The following TUBGCP2 variants were observed in gnomAD, a reference collection of about 807,000 sequenced individuals.
TUBGCP2 encodes tubulin gamma complex component 2.
In TUBGCP2, 55 loss-of-function variants were observed where a neutral mutation model predicts 92.2. The observed-to-expected ratio is 0.60, with a 90% CI of 0.48 to 0.75. TUBGCP2 has a LOEUF of 0.75. Ranked by LOEUF, TUBGCP2 falls within the 30% of genes least tolerant of loss-of-function variation. The probability of loss-of-function intolerance (pLI) is 0.00; values close to 1 mark genes in which losing one functional copy is unlikely to be tolerated. For missense variants in TUBGCP2, 1,093 were observed against 1,188.9 expected (o/e 0.92, Z 1.19); for synonymous variants, 533 against 505.2 (o/e 1.06, Z -0.74).
chr10:133,281,246 G>T lies in TUBGCP2; in HGVS notation c.2573+27C>A, dbSNP rs547355213. 2.9e-4 allele frequency: 460 copies of T among 1,604,730 alleles called. 2 individuals carry two copies. The highest frequency in any genetic ancestry group is 1.5e-5 in the Non-Finnish European group (18 of 1,179,100). On this transcript the variant is annotated intron_variant, in intron 17 of 17. Transcript: ENST00000252936. ...CAGGCGCTGGACTGAGCTGAGGAAGGGCTGAGCCGGGGTGGCGCCCACCCA... is the reference window on the plus strand; with the variant it reads ...CAGGCGCTGGACTGAGCTGAGGAAGTGCTGAGCCGGGGTGGCGCCCACCCA...
At chr10:133,288,813 C>A in intron 10 of TUBGCP2, 27 bp downstream of exon 10, 7 of 1,570,180 alleles carry the variant, frequency 4.5e-6, no homozygotes, top group Non-Finnish European at 6.1e-6. Flanking sequence ...AGGTGAGTGC[C>A]CGCACAGGGA....
chr10:133,306,349 G>A (rs986340967), intron 1 of TUBGCP2, among the ~76,000 whole-genome samples: 1 of 152,294 alleles, frequency 6.6e-6, no homozygotes, highest in African/African-American at 2.4e-5. Flanking sequence ...AGGACTGCAG[G>A]TTGTCCTATA....
intron 5 of TUBGCP2, among the ~76,000 whole-genome samples, chr10:133,296,849 G>GT (rs1360812877): frequency 6.6e-6 from 1 of 152,156 alleles, no homozygotes; most frequent in Non-Finnish European, 1.5e-5. Context: ...TTACAGCAGG[G>GT]TTTTTCTATA....
rs1360317961 is a variant in TUBGCP2 at position 133,308,831 on chromosome 10, C to G, written c.-48G>C. The G allele has an allele frequency of 2.1e-6, 2 of 956,198 alleles. No homozygotes were observed. The highest frequency in any genetic ancestry group is 1.7e-5 in the African/African-American group (1 of 58,374). 59.2% of individuals were successfully genotyped at this position (956,198 alleles called of 1,614,324 possible). A position where few individuals can be genotyped will look rare whatever the true frequency, so the allele number is the denominator to read the frequency against. ...GTTCGGCCAGGACTCACCGCAGTCC[C>G]GGAGCCACAGCCCCCGCGCAGCCCC... is the stretch of plus-strand genomic sequence containing the variant. On this transcript the variant is annotated 5_prime_UTR_variant, in exon 1 of 18. Coordinates refer to ENST00000252936, the MANE Select transcript of TUBGCP2 (RefSeq NM_006659.4).
intron 13 of TUBGCP2, 31 bp from the exon 14 acceptor site, chr10:133,284,033 T>G (rs748757178): frequency 6.2e-7 from 1 of 1,608,766 alleles, no homozygotes; most frequent in East Asian, 2.2e-5. Flanking sequence ...AGGACAGCCA[T>G]GGAGGACGCG....
In TUBGCP2 at chr10:133,279,805, G is replaced by C. The variant is rs1206713679; in HGVS notation, c.2670C>G (p.Pro890=). The C allele has an allele frequency of 6.3e-7, 1 of 1,576,446 alleles. No individual in the cohort carries two copies. The highest frequency in any genetic ancestry group is 8.6e-7 in the Non-Finnish European group (1 of 1,161,772). The change falls in exon 18 of 18, where the codon CCC becomes CCG. Residue 890 remains proline (P), a synonymous_variant. Transcript: ENST00000252936. ...CTGCGACCCTGGGTGCAGGAGCCGGGGGCCCCCGCAGGACAGGCACTTGGG... is the reference window on the plus strand; with the variant it reads ...CTGCGACCCTGGGTGCAGGAGCCGGCGGCCCCCGCAGGACAGGCACTTGGG... ...ATPQVPVLRG[P]PAPAPRVAVT... is the part of the protein sequence containing the mutation.
chr10:133,297,811 G>A (rs918902630), intron 5 of TUBGCP2, 141 bp downstream of exon 5: 15 of 1,285,482 alleles, frequency 1.2e-5, no homozygotes, highest in African/African-American at 1.5e-5. Context: ...CTGAGGAAAG[G>A]CAGGCCCGGG....
At position 133,293,222 on chromosome 10, in the gene TUBGCP2, ACTTCT is replaced by A. The variant is rs768719343; in HGVS notation, c.836_840del (p.Glu279ValfsTer126). ...TTCACCTGCCCGTACTCGAAGGAAG[ACTTCT>A]CTTCAATGAACCTGGAAGAAAAGCT... On this transcript the variant is annotated frameshift_variant, in exon 7 of 18. Transcript: ENST00000252936. LOFTEE classifies it high-confidence loss of function. 1.9e-6 allele frequency: 3 copies of A among 1,613,370 alleles called. No homozygotes were observed. The highest frequency in any genetic ancestry group is 2.5e-6 in the Non-Finnish European group (3 of 1,179,904).
upstream of TUBGCP2, chr10:133,311,611 G>T (rs573732379): frequency 9.7e-5 from 94 of 966,452 alleles, no homozygotes; most frequent in African/African-American, 1.3e-3. Flanking sequence ...AAGAAAATAT[G>T]CTACTTACAG....
At chr10:133,306,055 T>TA (rs1420644068) in intron 1 of TUBGCP2, among the ~76,000 whole-genome samples, 2 of 152,254 alleles carry the variant, frequency 1.3e-5, no homozygotes, top group African/African-American at 4.8e-5. Flanking sequence ...GGTAAGTTCT[T>TA]ACACTGTTGT....
chr10:133,282,926 A>G, intron 15 of TUBGCP2, 152 bp downstream of exon 15: 1 of 1,140,516 alleles, frequency 8.8e-7, no homozygotes, highest in African/African-American at 1.5e-5. Flanking sequence ...CCCGGCCAGG[A>G]AGACCAGGAG....
intron 2 of TUBGCP2, chr10:133,302,289 T>C (rs1312806397): frequency 5.1e-6 from 1 of 197,378 alleles, no homozygotes; most frequent in Admixed American, 5.4e-5. Context: ...TCTTGCACGG[T>C]ACACAGCCCT....
chr10:133,284,982 G>A, intron 13 of TUBGCP2, 103 bp downstream of exon 13: 1 of 1,478,246 alleles, frequency 6.8e-7, no homozygotes. Context: ...CAGAAGCCTA[G>A]AAAGCTGTCT....
At chr10:133,303,375 C>T (rs971885854) in intron 1 of TUBGCP2, among the ~76,000 whole-genome samples, 4 of 152,230 alleles carry the variant, frequency 2.6e-5, no homozygotes, top group East Asian at 1.9e-4. Flanking sequence ...AGGCGGCCTC[C>T]GCAGCTCCGG....
rs143394978 is a variant in TUBGCP2, at chr10:133,288,929, A to G, written c.1452T>C (p.Tyr484=). Residue 484 remains tyrosine (Y), a synonymous_variant, in exon 10 of 18, where the codon TAT becomes TAC. Coordinates refer to ENST00000252936, the MANE Select transcript of TUBGCP2 (RefSeq NM_006659.4). ...EIIYTLKERA[Y]VEQIEKAFNY... ...TAAACGCCTTCTCGATCTGCTCCAC[A>G]TACGCCCGCTCTTTTAACGTGTAGA... 9 of 1,614,204 alleles carry G rather than the reference A, an allele frequency of 5.6e-6. No individual in the cohort carries two copies. The highest frequency in any genetic ancestry group is 7.6e-6 in the Non-Finnish European group (9 of 1,180,026).
At chr10:133,286,898 C>T (rs1325004970) in intron 11 of TUBGCP2, among the ~76,000 whole-genome samples, 1 of 152,120 alleles carries the variant, frequency 6.6e-6, no homozygotes, top group Admixed American at 6.6e-5. Flanking sequence ...CAGCTGTAAA[C>T]TAACTTTTCA....
intron 8 of TUBGCP2, 128 bp from the exon 9 acceptor site, chr10:133,290,097 A>T: frequency 7.5e-7 from 1 of 1,324,754 alleles, no homozygotes; most frequent in Non-Finnish European, 1.0e-6. Context: ...ACGTTCCACA[A>T]GGGCCGAGCC....
intron 1 of TUBGCP2, among the ~76,000 whole-genome samples, chr10:133,303,783 C>T (rs774867303): frequency 2.6e-5 from 4 of 152,264 alleles, no homozygotes; most frequent in Admixed American, 6.5e-5. Context: ...AGGACTTCTA[C>T]ACGTTCCCTA....
In TUBGCP2 at chr10:133,285,545, G is replaced by A. The variant is rs777984108; in HGVS notation, c.1806C>T (p.His602=). 22 of 1,588,496 alleles carry A rather than the reference G, an allele frequency of 1.4e-5. No homozygotes were observed. Among genetic ancestry groups the A allele is most frequent in the East Asian group, 9.0e-5 (4 of 44,436 alleles). Residue 602 remains histidine, a synonymous_variant, in exon 12 of 18, where the codon CAC becomes CAT. Coordinates refer to ENST00000252936, the MANE Select transcript of TUBGCP2 (RefSeq NM_006659.4). The surrounding 1 kb of genome is among the most constrained non-coding windows in gnomAD (Gnocchi z 6.8). ...TCAGCGCCAGCTCCGTGGGGTCGGC[G>A]TGCGCCATCGCCTTCTCCTGCTTGG... is the stretch of plus-strand genomic sequence containing the variant. ...IETKQEKAMA[H]ADPTELALSG... is the part of the protein sequence containing the mutation.
Sources: allele counts gnomAD v4.1 joint callset (sites outside exome capture counted in the v4.1 genomes callset), GRCh38; gene constraint gnomAD v4.1.1; non-coding constraint Gnocchi (gnomAD v3.1); transcripts MANE v1.5; gene names NCBI Gene and HGNC (gene_info 2026-07-23, HGNC 2026-07-21).